The following AIRE variants were observed in gnomAD, a reference collection of about 807,000 sequenced individuals.
The protein encoded by AIRE is autoimmune polyendocrinopathy candidiasis ectodermal dystrophy protein.
AIRE carries 52 observed loss-of-function variants against 62.1 expected under a neutral mutation model. That is an observed-to-expected ratio of 0.84 (90% CI 0.67 to 1.06). The LOEUF is 1.06. AIRE is among the 50% of genes least tolerant of loss of function. The pLI is 0.00. For missense variants in AIRE, 774 were observed against 755.8 expected (o/e 1.02, Z -0.28); for synonymous variants, 342 against 321.6 (o/e 1.06, Z -0.68).
chr21:44,292,354 C>G lies in AIRE; in HGVS notation c.1048C>G (p.Pro350Ala). ...GCAGGCAACAGTCCAGGAGGTGCAG[C>G]CCCGGGCAGAGGAGCCCCGGCCCCA... ...CLQATVQEVQ[P>A]RAEEPRPQEP... The change falls in exon 9 of 14, where the codon CCC becomes GCC. Residue 350 changes from proline to alanine, a missense_variant. By Grantham distance (27) the Pro-to-Ala change is conservative. Coordinates refer to ENST00000291582, the MANE Select transcript of AIRE (RefSeq NM_000383.4). The G allele has an allele frequency of 1.3e-6, 2 of 1,573,520 alleles. No individual in the cohort carries two copies. Among genetic ancestry groups the G allele is most frequent in the South Asian group, 1.2e-5 (1 of 85,708 alleles).
intron 12 of AIRE, among the ~76,000 whole-genome samples, chr21:44,296,169 C>T (rs761118621): frequency 1.3e-5 from 2 of 152,134 alleles, no homozygotes; most frequent in Non-Finnish European, 2.9e-5. Context: ...GTCTGGGGGC[C>T]GTGGGCAGCT....
Position 44,293,014 on chromosome 21 carries a change from G to C in AIRE, c.1117G>C (p.Ala373Pro). The change falls in exon 10 of 14, where the codon GCG becomes CCG. Residue 373 changes from alanine (A) to proline (P), a missense_variant. Ala to Pro is a conservative substitution (Grantham distance 27). Transcript: ENST00000291582. Reference protein sequence around the residue: ...ETPLPPGLRSAGEEVRGPPGE... With the variant: ...ETPLPPGLRSPGEEVRGPPGE... ...CCAGCTCCCCCCGGGGCTTAGGTCG[G>C]CGGGAGAGGAGGTAAGAGGTCCACC... 1 of 1,612,516 alleles carries C rather than the reference G, an allele frequency of 6.2e-7. No homozygotes were observed.
rs1385283838 is a variant in AIRE at position 44,290,054 on chromosome 21, C to A, written c.865C>A (p.Pro289Thr). Residue 289 changes from proline to threonine, a missense_variant, in exon 7 of 14, where the codon CCC becomes ACC. Pro to Thr is a conservative substitution (Grantham distance 38). Around this residue, in one of 3 missense-constraint regions of AIRE, gnomAD observed 385 missense variants for 396.0 expected, o/e 0.97. Transcript: ENST00000291582. ...CGCCCCTCTGGCCCTCCCCAGTGAC[C>A]CCCAGCTCCACCAGGTAATGCCCTA... is the stretch of plus-strand genomic sequence containing the variant. ...VPAPLALPSD[P>T]QLHQKNEDEC... The A allele has an allele frequency of 1.2e-5, 19 of 1,612,030 alleles. No individual in the cohort carries two copies. The highest frequency in any genetic ancestry group is 1.4e-5 in the Non-Finnish European group (17 of 1,179,706).
At position 44,297,191 on chromosome 21, in the gene AIRE, G is replaced by A. The variant is rs979489125; in HGVS notation, c.1567-465G>A. On this transcript the variant is annotated intron_variant, in intron 13 of 13. Coordinates refer to ENST00000291582, the MANE Select transcript of AIRE (RefSeq NM_000383.4). This position sits in a 1 kb window ranked among gnomAD's most constrained non-coding sequence, Gnocchi z 4.8. ...GGTCCCCGGGTATAGCTGGAGAAAT[G>A]AGCGACGGGCTCACAGCCTCTCCCG... is the stretch of plus-strand genomic sequence containing the variant. 1.3e-5 allele frequency among the ~76,000 whole-genome samples: 2 copies of A among 152,332 alleles called. No individual in the cohort carries two copies. Among genetic ancestry groups the A allele is most frequent in the South Asian group, 2.1e-4 (1 of 4,832 alleles).
chr21:44,288,819 A>T, intron 5 of AIRE: 1 of 252,866 alleles, frequency 4.0e-6, no homozygotes, highest in Non-Finnish European at 7.8e-6. Context: ...TTCAACCAGG[A>T]CAGCCTGTAG....
At chr21:44,293,665 A>C in intron 10 of AIRE, 124 bp from the exon 11 acceptor site, 1 of 1,467,976 alleles carries the variant, frequency 6.8e-7, no homozygotes, top group South Asian at 1.2e-5. Flanking sequence ...GAGGCTCCTC[A>C]CTTGCGCCTA....
chr21:44,288,314 G>A lies in AIRE; in HGVS notation c.539-31G>A, dbSNP rs41277544. 74,897 of 1,500,664 alleles carry A rather than the reference G, an allele frequency of 0.05. 2,205 individuals are homozygous for A. Among genetic ancestry groups the A allele is most frequent in the Non-Finnish European group, 0.057 (61,239 of 1,077,908 alleles). 93.0% of individuals were successfully genotyped at this position (1,500,664 alleles called of 1,614,324 possible). A position where few individuals can be genotyped will look rare whatever the true frequency, so the allele number is the denominator to read the frequency against. Reference sequence around the variant, plus strand: ...TGTGCTTGGGAACAGTCTTCCCCACGGGTGACCCCAATGGGTGTTCCCTTT... The same window carrying A: ...TGTGCTTGGGAACAGTCTTCCCCACAGGTGACCCCAATGGGTGTTCCCTTT... On this transcript the variant is annotated intron_variant, in intron 4 of 13. Coordinates refer to ENST00000291582, the MANE Select transcript of AIRE (RefSeq NM_000383.4).
At chr21:44,288,051 A>T (rs141908097) in intron 4 of AIRE, among the ~76,000 whole-genome samples, 2 of 152,186 alleles carry the variant, frequency 1.3e-5, no homozygotes, top group Admixed American at 6.5e-5. Context: ...GGCCCATGTC[A>T]TGGGGGGGTG....
At position 44,287,930 on chromosome 21, in the gene AIRE, G is replaced by T. The variant is rs1035034725; in HGVS notation, c.538+339G>T. Among the ~76,000 whole-genome samples, 10 of 152,106 alleles carry T rather than the reference G, an allele frequency of 6.6e-5. No individual in the cohort carries two copies. Among genetic ancestry groups the T allele is most frequent in the African/African-American group, 2.4e-4 (10 of 41,400 alleles). Reference sequence around the variant, plus strand: ...CCTGGCCCCCAGCTGCATGCAGGCTGAACCCTTCCTGTCCCCTTCTCCTTC... The same window carrying T: ...CCTGGCCCCCAGCTGCATGCAGGCTTAACCCTTCCTGTCCCCTTCTCCTTC... On this transcript the variant is annotated intron_variant, in intron 4 of 13. Transcript: ENST00000291582. This position sits in a 1 kb window ranked among gnomAD's most constrained non-coding sequence, Gnocchi z 4.3.
intron 13 of AIRE, 62 bp downstream of exon 13, chr21:44,296,507 C>T: frequency 4.0e-6 from 6 of 1,487,028 alleles, no homozygotes; most frequent in Non-Finnish European, 5.6e-6. Context: ...CAGCCGGCAC[C>T]CAGGCTCCCC....
chr21:44,289,872 G>A (rs551734360), intron 6 of AIRE, 70 bp downstream of exon 6: 5 of 1,609,436 alleles, frequency 3.1e-6, no homozygotes, highest in African/African-American at 1.3e-5. Flanking sequence ...CGTTGCCTCT[G>A]GGGGAGTGGC....
chr21:44,296,519 C>T (rs2040609941), intron 13 of AIRE, 74 bp downstream of exon 13: 9 of 1,413,364 alleles, frequency 6.4e-6, no homozygotes, highest in Non-Finnish European at 9.0e-6. Context: ...AGGCTCCCCA[C>T]TCTGGGGGAG....
rs1248107084 is a variant in AIRE at position 44,293,146 on chromosome 21, C to A, written c.1249C>A (p.Leu417Ile). The A allele has an allele frequency of 6.3e-7, 1 of 1,580,848 alleles. No individual in the cohort carries two copies. ...GCTGGACTCCTCGGCCCTGCACCCC[C>A]TACTGTGTGTGGGTCCTGAGGGTCA... ...PGLDSSALHP[L>I]LCVGPEGQQN... Residue 417 changes from leucine to isoleucine, a missense_variant, in exon 10 of 14, where the codon CTA (leucine) becomes ATA (isoleucine). This residue lies in a region of AIRE where 354 missense variants were observed against 296.1 expected (regional missense o/e 1.20). Transcript: ENST00000291582.
chr21:44,286,185 G>A lies in AIRE; in HGVS notation c.132+47G>A. 1 of 1,337,752 alleles carries A rather than the reference G, an allele frequency of 7.5e-7. No individual in the cohort carries two copies. Among genetic ancestry groups the A allele is most frequent in the South Asian group, 1.3e-5 (1 of 79,578 alleles). 82.9% of individuals were successfully genotyped at this position (1,337,752 alleles called of 1,614,324 possible). A position where few individuals can be genotyped will look rare whatever the true frequency, so the allele number is the denominator to read the frequency against. On this transcript the variant is annotated intron_variant, in intron 1 of 13. Coordinates refer to ENST00000291582, the MANE Select transcript of AIRE (RefSeq NM_000383.4). The surrounding 1 kb of genome is among the most constrained non-coding windows in gnomAD (Gnocchi z 6.0). Reference sequence around the variant, plus strand: ...CGCTGCCCCCAGGCCCTGTGAGCCAGGGATAGTCCCCGGGGAAGTTCCAGG... The same window carrying A: ...CGCTGCCCCCAGGCCCTGTGAGCCAAGGATAGTCCCCGGGGAAGTTCCAGG...
Position 44,290,066 on chromosome 21 carries a change from C to G in AIRE, c.877C>G (p.Gln293Glu). The change falls in exon 7 of 14, where the codon CAG becomes GAG. Residue 293 changes from glutamine to glutamate, a missense_variant and splice_region_variant. Gln to Glu is a conservative substitution (Grantham distance 29). Around this residue, in one of 3 missense-constraint regions of AIRE, gnomAD observed 385 missense variants for 396.0 expected, o/e 0.97. Transcript: ENST00000291582. ...CCTCCCCAGTGACCCCCAGCTCCAC[C>G]AGGTAATGCCCTAGACCACAGGAGA... ...LALPSDPQLH[Q>E]KNEDECAVCR... 6.2e-7 allele frequency: 1 copy of G among 1,611,878 alleles called. No individual in the cohort carries two copies. The highest frequency in any genetic ancestry group is 8.5e-7 in the Non-Finnish European group (1 of 1,179,498).
intron 4 of AIRE, 114 bp from the exon 5 acceptor site, chr21:44,288,231 C>G: frequency 1.1e-6 from 1 of 892,110 alleles, no homozygotes; most frequent in Non-Finnish European, 1.9e-6. Flanking sequence ...CCTTGGCCTG[C>G]CCTGGCTGGA....
Position 44,286,115 on chromosome 21 carries a change from G to A in AIRE, c.109G>A (p.Val37Met), listed in dbSNP as rs1263656813. Residue 37 changes from valine (V) to methionine (M), a missense_variant, in exon 1 of 14, where the codon GTG becomes ATG. Val to Met is a conservative substitution (Grantham distance 21). Coordinates refer to ENST00000291582, the MANE Select transcript of AIRE (RefSeq NM_000383.4). This position sits in a 1 kb window ranked among gnomAD's most constrained non-coding sequence, Gnocchi z 6.0. The stretch of plus-strand genomic sequence containing the variant: ...GCTGCACGCGCTGGCTGACCACGAC[G>A]TGGTCCCCGAGGACAAGTTTCAGGT... ...PLLHALADHD[V>M]VPEDKFQETL... 6.5e-7 allele frequency: 1 copy of A among 1,547,112 alleles called. No homozygotes were observed. The highest frequency in any genetic ancestry group is 8.7e-7 in the Non-Finnish European group (1 of 1,146,534).
intron 12 of AIRE, among the ~76,000 whole-genome samples, chr21:44,295,540 G>C (rs1025344046): frequency 1.3e-5 from 2 of 152,202 alleles, no homozygotes; most frequent in African/African-American, 4.8e-5. Flanking sequence ...ACCCCAGGCA[G>C]CTTTCCTGCA....
Position 44,286,077 on chromosome 21 carries a change from G to A in AIRE, c.71G>A (p.Ser24Asn). The A allele has an allele frequency of 6.5e-7, 1 of 1,544,664 alleles. No individual in the cohort carries two copies. The stretch of plus-strand genomic sequence containing the variant: ...ACGGAGATCGCGGTGGCCGTGGACA[G>A]CGCCTTCCCACTGCTGCACGCGCTG... ...HRTEIAVAVD[S>N]AFPLLHALAD... Residue 24 changes from serine (S) to asparagine (N), a missense_variant, in exon 1 of 14, where the codon AGC becomes AAC. By Grantham distance (46) the Ser-to-Asn change is conservative (BLOSUM62 1). This residue lies in a region of AIRE where 385 missense variants were observed against 396.0 expected (regional missense o/e 0.97). Transcript: ENST00000291582. This position sits in a 1 kb window ranked among gnomAD's most constrained non-coding sequence, Gnocchi z 6.0.
Sources: allele counts gnomAD v4.1 joint callset (sites outside exome capture counted in the v4.1 genomes callset), GRCh38; gene constraint gnomAD v4.1.1; regional missense constraint gnomAD v4.1.1; non-coding constraint Gnocchi (gnomAD v3.1); transcripts MANE v1.5; gene names NCBI Gene and HGNC (gene_info 2026-07-23, HGNC 2026-07-21).